Variants in B9D1 observed in about 807,000 individuals in gnomAD.
B9D1 encodes the protein B9 domain-containing protein 1.
A neutral mutation model predicts 26.1 loss-of-function variants in B9D1; 20 were observed. That is an observed-to-expected ratio of 0.77 (90% CI 0.54 to 1.12). The LOEUF (loss-of-function observed/expected upper bound fraction) is 1.12. Ranked by LOEUF, B9D1 falls within the 50% of genes most tolerant of loss-of-function variation. The probability of loss-of-function intolerance (pLI) is 0.00; values close to 1 mark genes in which losing one functional copy is unlikely to be tolerated. For synonymous variants in B9D1, 105 were observed against 103.1 expected (o/e 1.02, Z -0.11); for missense variants, 260 against 273.7 (o/e 0.95, Z 0.35).
upstream of B9D1, chr17:19,362,831 G>A (rs753759456): frequency 8.9e-6 from 9 of 1,006,128 alleles, no homozygotes; most frequent in Non-Finnish European, 1.3e-5. Flanking sequence ...GAGCTGGGGC[G>A]GGAGCGTTGA....
downstream of B9D1, among the ~76,000 whole-genome samples, chr17:19,338,492 AACTGCATT>A (rs1207008489): frequency 1.3e-5 from 2 of 152,232 alleles, no homozygotes; most frequent in South Asian, 4.1e-4. Context: ...ATGTACAAAT[AACTGCATT>A]ATTTTGGTCA....
intron 3 of B9D1, among the ~76,000 whole-genome samples, chr17:19,356,215 C>A (rs547473330): frequency 1.3e-5 from 2 of 152,050 alleles, no homozygotes; most frequent in South Asian, 2.1e-4. Context: ...CCTCAGCCCC[C>A]CAAGTAGCTA....
At chr17:19,357,488 A>G (rs1366850169) in intron 3 of B9D1, 2 of 379,908 alleles carry the variant, frequency 5.3e-6, no homozygotes, top group Admixed American at 7.4e-5. Context: ...CCGGAACACA[A>G]CACGCCATGG....
At chr17:19,357,202 C>G (rs552845234) in intron 3 of B9D1, among the ~76,000 whole-genome samples, 1 of 152,214 alleles carries the variant, frequency 6.6e-6, no homozygotes, top group Admixed American at 6.5e-5. Flanking sequence ...TTGGGAAGCT[C>G]GGATAAGTCC....
chr17:19,362,995 G>A, upstream of B9D1: 1 of 272,168 alleles, frequency 3.7e-6, no homozygotes, highest in Non-Finnish European at 7.5e-6. Flanking sequence ...CACGCCCTCA[G>A]CAAGCCGAGT....
intron 5 of B9D1, 51 bp from the exon 6 acceptor site, chr17:19,343,908 G>A: frequency 6.2e-7 from 1 of 1,611,566 alleles, no homozygotes; most frequent in Non-Finnish European, 8.5e-7. Flanking sequence ...GGGCATTCCT[G>A]GTCTTGGACG....
downstream of B9D1, chr17:19,343,142 T>C: frequency 7.0e-7 from 1 of 1,436,214 alleles, no homozygotes; most frequent in Non-Finnish European, 9.1e-7. Context: ...GGGGAGGGGC[T>C]AAACAGGAGA....
At chr17:19,344,910 G>A (rs931639921) in intron 5 of B9D1, among the ~76,000 whole-genome samples, 5 of 152,230 alleles carry the variant, frequency 3.3e-5, no homozygotes, top group Non-Finnish European at 7.3e-5. Context: ...GGAAGGGATG[G>A]GCAGCCACAA....
chr17:19,374,471 G>A (rs1302941421), intron 1 of B9D1, among the ~76,000 whole-genome samples: 1 of 152,142 alleles, frequency 6.6e-6, no homozygotes, highest in Admixed American at 6.5e-5. Context: ...TAATCTCTAA[G>A]GATAGAAATT....
chr17:19,351,788 A>G (rs994169315), intron 3 of B9D1, among the ~76,000 whole-genome samples: 5 of 152,188 alleles, frequency 3.3e-5, no homozygotes, highest in African/African-American at 1.2e-4. Context: ...ACCTTGCCAA[A>G]TGTATAGCAA....
At chr17:19,374,272 A>G (rs987082687) in intron 1 of B9D1, among the ~76,000 whole-genome samples, 1 of 151,942 alleles carries the variant, frequency 6.6e-6, no homozygotes, top group African/African-American at 2.4e-5. Context: ...TAGAGAGCAC[A>G]TGTTCTTTCA....
chr17:19,369,911 G>A (rs1459202511), intron 1 of B9D1, among the ~76,000 whole-genome samples: 2 of 152,084 alleles, frequency 1.3e-5, no homozygotes, highest in Non-Finnish European at 2.9e-5. Context: ...CCTACCTAGT[G>A]CCCCGCCAAA....
intron 2 of B9D1, 141 bp downstream of exon 2, chr17:19,360,179 C>G (rs1910859245): frequency 1.3e-6 from 1 of 794,508 alleles, no homozygotes; most frequent in African/African-American, 1.7e-5. Flanking sequence ...TCCCGCTTTA[C>G]CAGGAACACT....
chr17:19,340,265 G>T (rs1907813328), downstream of B9D1, among the ~76,000 whole-genome samples: 1 of 151,968 alleles, frequency 6.6e-6, no homozygotes, highest in African/African-American at 2.4e-5. Flanking sequence ...CCACCTCCCG[G>T]GTTCAAGCGA....
downstream of B9D1, among the ~76,000 whole-genome samples, chr17:19,342,830 C>A (rs761106036): frequency 1.1e-4 from 17 of 152,184 alleles, no homozygotes; most frequent in Non-Finnish European, 1.5e-4. Flanking sequence ...CTCCCAATAA[C>A]AGGGTTCTGT....
chr17:19,340,047 C>G (rs928346475), downstream of B9D1, among the ~76,000 whole-genome samples: 8 of 121,176 alleles, frequency 6.6e-5, 1 homozygote, highest in Admixed American at 1.6e-4. Flanking sequence ...CCCCCCCCCC[C>G]CGGCTTCCCG....
rs1406838335 is a variant in B9D1, at chr17:19,343,228, G to C, written c.*91C>G. ...AACTATTCTGTGTGCCCCCAGCTCT[G>C]GCCACCAGGCTGCCCCTCAGGCCGA... is the stretch of plus-strand genomic sequence containing the variant. On this transcript the variant is annotated 3_prime_UTR_variant, in exon 7 of 7. Transcript: ENST00000261499. 2 of 1,599,846 alleles carry C rather than the reference G, an allele frequency of 1.3e-6. No individual in the cohort carries two copies. Among genetic ancestry groups the C allele is most frequent in the East Asian group, 4.5e-5 (2 of 44,700 alleles).
intron 1 of B9D1, among the ~76,000 whole-genome samples, chr17:19,369,773 T>C (rs572859237): frequency 1.3e-5 from 2 of 152,350 alleles, no homozygotes; most frequent in South Asian, 4.1e-4. Flanking sequence ...CTGGGTATCC[T>C]GTATTTTAGC....
upstream of B9D1, among the ~76,000 whole-genome samples, chr17:19,366,435 G>T (rs1016908378): frequency 1.3e-5 from 2 of 152,062 alleles, no homozygotes; most frequent in Non-Finnish European, 2.9e-5. Flanking sequence ...GAGACCAACA[G>T]TAACAATAAT....
Sources: allele counts gnomAD v4.1 joint callset (sites outside exome capture counted in the v4.1 genomes callset), GRCh38; gene constraint gnomAD v4.1.1; transcripts MANE v1.5; gene names NCBI Gene and HGNC (gene_info 2026-07-23, HGNC 2026-07-21).